Variants in DNAH7 observed in about 807,000 individuals in gnomAD.
DNAH7 encodes the protein axonemal beta dynein heavy chain 7.
Under a neutral mutation model 444.6 loss-of-function variants are expected in DNAH7, and 397 were observed. The ratio of observed to expected loss-of-function variants is 0.89; its 90% confidence interval spans 0.82 to 0.97. The LOEUF (loss-of-function observed/expected upper bound fraction) is 0.97, where lower values mean the gene tolerates loss of function less well. DNAH7 is among the 50% of genes least tolerant of loss of function. DNAH7 has a pLI of 0.00. For missense variants in DNAH7, 4,902 were observed against 4,800.8 expected, an observed-to-expected ratio of 1.02 and a Z score of -0.62; for synonymous variants, 1,636 against 1,624.4, an observed-to-expected ratio of 1.01 and a Z score of -0.17.
chr2:195,956,724 C>T (rs1391647744), intron 19 of DNAH7, among the ~76,000 whole-genome samples: 3 of 150,620 alleles, frequency 2.0e-5, no homozygotes, highest in Admixed American at 6.6e-5. Flanking sequence ...TTATTAAATT[C>T]TCTCTTTAGC....
chr2:195,888,073 A>C (rs951616783), intron 33 of DNAH7, among the ~76,000 whole-genome samples, 185 bp downstream of exon 33: 3 of 152,124 alleles, frequency 2.0e-5, no homozygotes, highest in Admixed American at 1.3e-4. Flanking sequence ...GAGTAGCACC[A>C]ATATACCTCA....
intron 51 of DNAH7, among the ~76,000 whole-genome samples, chr2:195,815,570 A>ATTT (rs921004111): frequency 3.3e-5 from 5 of 152,228 alleles, no homozygotes; most frequent in Admixed American, 2.0e-4. Flanking sequence ...TAAAAATTAA[A>ATTT]TTGAGTTTCC....
chr2:196,001,759 A>G lies in DNAH7; in HGVS notation c.1089T>C (p.Cys363=). Residue 363 remains cysteine (C), a synonymous_variant, in exon 11 of 65, where the codon TGT becomes TGC. Coordinates refer to ENST00000312428, the MANE Select transcript of DNAH7 (RefSeq NM_018897.3). ...GCTGTAAAGTCATAAGTGCAGCAGC[A>G]CAGTTGAAAAAAGATTCCAATTTGG... ...SSAKLESFFN[C]AAALMTLQLQ... The G allele has an allele frequency of 6.2e-7, 1 of 1,613,024 alleles. No homozygotes were observed. Among genetic ancestry groups the G allele is most frequent in the Non-Finnish European group, 8.5e-7 (1 of 1,179,502 alleles).
chr2:195,998,474 T>A (rs886805964), intron 12 of DNAH7, among the ~76,000 whole-genome samples: 4 of 150,216 alleles, frequency 2.7e-5, no homozygotes, highest in Non-Finnish European at 2.9e-5. Context: ...CTCAGAAGGC[T>A]GAGCAGCAGG....
intron 48 of DNAH7, among the ~76,000 whole-genome samples, chr2:195,830,636 G>A (rs6705500): frequency 0.011 from 1,747 of 152,218 alleles, 34 homozygotes; most frequent in African/African-American, 0.04. Context: ...TGAAGGGGTC[G>A]AGATGTCACA....
rs1436620046 is a variant in DNAH7, at chr2:195,897,785, C to T, written c.4549-20G>A. On this transcript the variant is annotated intron_variant, in intron 28 of 64. Transcript: ENST00000312428. ...TTTCAGCTAAAAAAAAAAAAAAAAA[C>T]TCATGAGGATATCTGCATCTCCTAA... is the stretch of plus-strand genomic sequence containing the variant. 1 of 993,302 alleles carries T rather than the reference C, an allele frequency of 1.0e-6. No homozygotes were observed. The highest frequency in any genetic ancestry group is 2.8e-5 in the East Asian group (1 of 35,768). The allele number at this position is 993,302 out of a possible 1,614,324, so 61.5% of individuals were successfully genotyped here. A position where few individuals can be genotyped will look rare whatever the true frequency, so the allele number is the denominator to read the frequency against.
chr2:195,756,085 T>C (rs374237635), intron 62 of DNAH7, 48 bp downstream of exon 62: 1 of 1,538,238 alleles, frequency 6.5e-7, no homozygotes, highest in Admixed American at 2.0e-5. Context: ...ACGAAGAAAA[T>C]GAAACCAGGA....
At chr2:195,933,114 T>C (rs1347050944) in intron 21 of DNAH7, among the ~76,000 whole-genome samples, 1 of 152,174 alleles carries the variant, frequency 6.6e-6, no homozygotes, top group Non-Finnish European at 1.5e-5. Context: ...ATTGGTCTAT[T>C]CAGAGATTCA....
chr2:195,775,078 C>T (rs928397527), intron 60 of DNAH7, among the ~76,000 whole-genome samples: 1 of 152,182 alleles, frequency 6.6e-6, no homozygotes, highest in Non-Finnish European at 1.5e-5. Context: ...CATTAACTTG[C>T]TCTCCAAGCT....
chr2:195,878,876 T>C (rs1025995889), intron 36 of DNAH7, among the ~76,000 whole-genome samples: 2 of 152,196 alleles, frequency 1.3e-5, no homozygotes, highest in Non-Finnish European at 1.5e-5. Flanking sequence ...TAAATAGCAG[T>C]ATTTCACTCT....
At chr2:195,842,473 C>A (rs927195706) in intron 47 of DNAH7, among the ~76,000 whole-genome samples, 1 of 152,024 alleles carries the variant, frequency 6.6e-6, no homozygotes, top group Non-Finnish European at 1.5e-5. Context: ...GAGGGCACTG[C>A]ACAGGTAAAG....
Position 195,738,042 on chromosome 2 carries a change from C to G in DNAH7, c.11954G>C (p.Gly3985Ala), listed in dbSNP as rs772950823. ...GGAATGGCCAGTGGTGGATAATACT[C>G]CTCTCCGCTCACTTGTCTTATACAA... The part of the protein sequence containing the change: ...APLYKTSERR[G>A]VLSTTGHSTN... Residue 3985 changes from glycine (G) to alanine (A), a missense_variant, in exon 65 of 65, where the codon GGA becomes GCA. By Grantham distance (60) the Gly-to-Ala change is moderately conservative. Coordinates refer to ENST00000312428, the MANE Select transcript of DNAH7 (RefSeq NM_018897.3). 9 of 1,613,910 alleles carry G rather than the reference C, an allele frequency of 5.6e-6. No individual in the cohort carries two copies. In the African/African-American group the frequency reaches 1.2e-4, roughly 22 times the overall value.
intron 63 of DNAH7, among the ~76,000 whole-genome samples, chr2:195,745,678 A>C (rs1307653490): frequency 6.6e-6 from 1 of 152,272 alleles, no homozygotes; most frequent in African/African-American, 2.4e-5. Flanking sequence ...TCTACAAGCC[A>C]GAAGAGAGTG....
At chr2:195,860,874 T>C (rs1239264734) in intron 42 of DNAH7, among the ~76,000 whole-genome samples, 1 of 152,164 alleles carries the variant, frequency 6.6e-6, no homozygotes, top group Non-Finnish European at 1.5e-5. Context: ...TAAATTTACA[T>C]TTGTGCTTTT....
At chr2:195,786,084 TAA>T (rs1695607463) in intron 58 of DNAH7, among the ~76,000 whole-genome samples, 1 of 152,174 alleles carries the variant, frequency 6.6e-6, no homozygotes. Context: ...GAAGCCCAAA[TAA>T]AAGATTCTTC....
intron 19 of DNAH7, among the ~76,000 whole-genome samples, chr2:195,956,053 T>C (rs927505477): frequency 1.3e-5 from 2 of 152,128 alleles, no homozygotes; most frequent in African/African-American, 4.8e-5. Flanking sequence ...GAGGTAAAGA[T>C]TAAATAAATA....
intron 9 of DNAH7, among the ~76,000 whole-genome samples, chr2:196,016,260 G>A (rs1695014949): frequency 1.3e-5 from 2 of 152,104 alleles, no homozygotes; most frequent in South Asian, 4.1e-4. Context: ...AACTTGTGGT[G>A]TTGTTTTGAA....
At chr2:195,805,427 C>T (rs183995462) in intron 54 of DNAH7, among the ~76,000 whole-genome samples, 1 of 152,038 alleles carries the variant, frequency 6.6e-6, no homozygotes, top group Admixed American at 6.6e-5. Flanking sequence ...CCATCTTTAA[C>T]ATATGAAGTG....
intron 10 of DNAH7, among the ~76,000 whole-genome samples, chr2:196,011,995 G>C (rs1381147076): frequency 6.6e-6 from 1 of 151,996 alleles, no homozygotes; most frequent in African/African-American, 2.4e-5. Flanking sequence ...TAAAATAAAA[G>C]GCTAAAGTTT....
Sources: gnomAD v4.1 joint callset for allele counts (sites outside exome capture counted in the v4.1 genomes callset) on GRCh38, gnomAD v4.1.1 for gene constraint, MANE v1.5 for transcripts, NCBI Gene and HGNC (gene_info 2026-07-23, HGNC 2026-07-21) for gene names.